CCDC146: variants seen among roughly 807,000 people sequenced by gnomAD.
CCDC146 encodes coiled-coil domain-containing protein 146.
In CCDC146, 92 loss-of-function variants were observed where a neutral mutation model predicts 119.3. The ratio of observed to expected loss-of-function variants is 0.77; its 90% CI spans 0.65 to 0.92. The LOEUF (loss-of-function observed/expected upper bound fraction) is 0.92. CCDC146 is among the 40% of genes least tolerant of loss of function. The probability of loss-of-function intolerance (pLI) is 0.00; values close to 1 mark genes in which losing one functional copy is unlikely to be tolerated. For synonymous variants in CCDC146, 372 were observed against 371.8 expected (o/e 1.00, Z -0.01); for missense variants, 1,000 against 1,103.0 (o/e 0.91, Z 1.32).
At chr7:77,242,338 C>T in intron 4 of CCDC146, 2 of 990,868 alleles carry the variant, frequency 2.0e-6, no homozygotes, top group South Asian at 4.3e-5. Context: ...TGTCATCTGG[C>T]TCACTCTATT....
At chr7:77,207,262 A>T (rs1237695927) in intron 2 of CCDC146, among the ~76,000 whole-genome samples, 1 of 152,088 alleles carries the variant, frequency 6.6e-6, no homozygotes, top group Non-Finnish European at 1.5e-5. Flanking sequence ...TTCTACTTCT[A>T]GTTTGATATT....
In CCDC146 at chr7:77,282,752, C is replaced by G. The variant is rs1371970436; in HGVS notation, c.2115C>G (p.Ser705=). The G allele has an allele frequency of 6.2e-7, 1 of 1,613,980 alleles. No homozygotes were observed. Among genetic ancestry groups the G allele is most frequent in the East Asian group, 2.2e-5 (1 of 44,892 alleles). The change falls in exon 15 of 19, where the codon TCC becomes TCG. Residue 705 remains serine, a synonymous_variant. Transcript: ENST00000285871. ...VTQKLLPAKR[S]LDADLAVLQI... ...AGAAATTACTGCCAGCCAAGAGGTC[C>G]CTGGATGCCGACCTAGCTGTGCTCC...
At chr7:77,242,538 T>C (rs1252433726) in intron 4 of CCDC146, 2 of 227,820 alleles carry the variant, frequency 8.8e-6, no homozygotes, top group Non-Finnish European at 1.5e-5. Flanking sequence ...CTTCAAAATC[T>C]CTTCTAACAT....
intron 3 of CCDC146, among the ~76,000 whole-genome samples, chr7:77,239,742 T>C (rs1309282016): frequency 6.6e-6 from 1 of 152,228 alleles, no homozygotes; most frequent in Non-Finnish European, 1.5e-5. Flanking sequence ...AGAGGAATCA[T>C]ATCTACTGGT....
chr7:77,217,776 C>T (rs12667659), intron 2 of CCDC146, among the ~76,000 whole-genome samples: 10,204 of 152,058 alleles, frequency 0.067, 720 homozygotes, highest in East Asian at 0.28. Context: ...CAAGTCTGTA[C>T]AGCATGTTAC....
intron 1 of CCDC146, among the ~76,000 whole-genome samples, chr7:77,138,743 T>C (rs535484816): frequency 3.3e-5 from 5 of 152,128 alleles, no homozygotes; most frequent in East Asian, 1.9e-4. Context: ...AAAGAAGATA[T>C]ACAAATGGCA....
intron 3 of CCDC146, among the ~76,000 whole-genome samples, chr7:77,240,965 A>T (rs181356495): frequency 1.4e-4 from 16 of 113,130 alleles, no homozygotes; most frequent in Admixed American, 7.5e-4. Context: ...TCACGTTGAC[A>T]TTTTTTGTTT....
intron 1 of CCDC146, among the ~76,000 whole-genome samples, chr7:77,161,273 C>A (rs1055096782): frequency 6.6e-6 from 1 of 152,072 alleles, no homozygotes. Context: ...TTGACCCAGC[C>A]ATCCCATTAC....
At chr7:77,201,611 A>C (rs1366121702) in intron 2 of CCDC146, among the ~76,000 whole-genome samples, 3 of 152,080 alleles carry the variant, frequency 2.0e-5, no homozygotes, top group African/African-American at 7.2e-5. Flanking sequence ...TAAGAAAAAA[A>C]AAAATGCAGT....
At position 77,279,053 on chromosome 7, in the gene CCDC146, C is replaced by A. The variant is rs764503355; in HGVS notation, c.1646C>A (p.Ser549Ter). The A allele has an allele frequency of 1.2e-6, 2 of 1,608,836 alleles. No homozygotes were observed. Among genetic ancestry groups the A allele is most frequent in the Non-Finnish European group, 1.7e-6 (2 of 1,176,484 alleles). The stretch of plus-strand genomic sequence containing the variant: ...GAAATAAAAGAAAGGCATAAAATGT[C>A]ATTAAATGAACTTGAAATTCTGAGA... Reference protein sequence around the residue: ...VNEIKERHKMSLNELEILRNS... With the variant: ...VNEIKERHKM The change falls in exon 13 of 19, where the codon TCA (serine) becomes TAA (stop). Residue 549 changes from serine (S) to a stop codon, truncating the protein, a stop_gained. Coordinates refer to ENST00000285871, the MANE Select transcript of CCDC146 (RefSeq NM_020879.3). LOFTEE classifies it high-confidence loss of function.
At chr7:77,293,928 T>C (rs1421327785) in intron 18 of CCDC146, among the ~76,000 whole-genome samples, 1 of 152,218 alleles carries the variant, frequency 6.6e-6, no homozygotes, top group Non-Finnish European at 1.5e-5. Flanking sequence ...ACACTAGGAA[T>C]ACCTGAGCAC....
intron 1 of CCDC146, among the ~76,000 whole-genome samples, chr7:77,134,674 G>A (rs1257869154): frequency 1.5e-4 from 22 of 151,432 alleles, no homozygotes; most frequent in African/African-American, 5.3e-4. Context: ...ACATCCCAAA[G>A]ACGTGCATGT....
intron 2 of CCDC146, among the ~76,000 whole-genome samples, chr7:77,207,777 G>A (rs544157631): frequency 1.1e-4 from 17 of 152,106 alleles, no homozygotes; most frequent in African/African-American, 3.9e-4. Flanking sequence ...GATCTGTAAG[G>A]TCCTTTTCAG....
At chr7:77,154,179 G>A (rs2539177) in intron 1 of CCDC146, among the ~76,000 whole-genome samples, 1 of 152,068 alleles carries the variant, frequency 6.6e-6, no homozygotes. Flanking sequence ...TGTGCTGTAC[G>A]AGATAATTTT....
At chr7:77,152,466 T>C (rs1319962657) in intron 1 of CCDC146, among the ~76,000 whole-genome samples, 1 of 152,188 alleles carries the variant, frequency 6.6e-6, no homozygotes, top group South Asian at 2.1e-4. Context: ...ATGAAATTTG[T>C]AGACATGGGA....
chr7:77,219,973 G>A (rs954263601), intron 2 of CCDC146, among the ~76,000 whole-genome samples: 1 of 152,144 alleles, frequency 6.6e-6, no homozygotes, highest in African/African-American at 2.4e-5. Context: ...ACTGATGAAG[G>A]TCCATGTCCT....
chr7:77,168,354 G>T lies in CCDC146; in HGVS notation c.156+530G>T, dbSNP rs866607317. On this transcript the variant is annotated intron_variant, in intron 2 of 18. Transcript: ENST00000285871. ...TAGGAAATACCCATATATGAGGAGA[G>T]TTTTTTTTTTTTTAAGTAATGGCTG... Among the ~76,000 whole-genome samples the T allele has an allele frequency of 2.9e-4, 41 of 142,996 alleles. 1 individual carries two copies. The highest frequency in any genetic ancestry group is 7.2e-3 in the Middle Eastern group (2 of 276). 93.8% of individuals were successfully genotyped at this position (142,996 alleles called of 152,430 possible).
At chr7:77,281,125 A>AG (rs891001490) in intron 14 of CCDC146, among the ~76,000 whole-genome samples, 18 of 143,680 alleles carry the variant, frequency 1.3e-4, no homozygotes, top group African/African-American at 4.1e-4. Flanking sequence ...AAAAAAAAAA[A>AG]AGAGAGAAAG....
chr7:77,165,118 G>A (rs908858209), intron 1 of CCDC146, among the ~76,000 whole-genome samples: 4 of 152,170 alleles, frequency 2.6e-5, no homozygotes, highest in African/African-American at 7.2e-5. Flanking sequence ...TCATCCCAAT[G>A]TCACCAAAGT....
Sources: allele counts gnomAD v4.1 joint callset (sites outside exome capture counted in the v4.1 genomes callset), GRCh38; gene constraint gnomAD v4.1.1; transcripts MANE v1.5; gene names NCBI Gene and HGNC (gene_info 2026-07-23, HGNC 2026-07-21).